The following OTUD7A variants were observed in gnomAD, a reference collection of about 807,000 sequenced individuals.
OTUD7A encodes OTU domain-containing protein 7A.
OTUD7A carries 12 observed loss-of-function variants against 65.7 expected under a neutral mutation model. The ratio of observed to expected loss-of-function variants is 0.18; its 90% CI spans 0.12 to 0.30. OTUD7A has a LOEUF of 0.30. Ranked by LOEUF, OTUD7A falls within the 10% of genes least tolerant of loss-of-function variation. OTUD7A has a pLI of 1.00. For synonymous variants in OTUD7A, 641 were observed against 586.3 expected, an observed-to-expected ratio of 1.09 and a Z score of -1.35; for missense variants, 1,148 against 1,304.8, an observed-to-expected ratio of 0.88 and a Z score of 1.85.
chr15:31,524,716 T>A (rs543181771), intron 8 of OTUD7A, among the ~76,000 whole-genome samples: 29 of 152,334 alleles, frequency 1.9e-4, no homozygotes, highest in Non-Finnish European at 3.2e-4. Context: ...GCCAGAACTA[T>A]GGCTCCCAGG....
At chr15:31,659,331 G>C (rs1242361272) in intron 1 of OTUD7A, among the ~76,000 whole-genome samples, 1 of 152,056 alleles carries the variant, frequency 6.6e-6, no homozygotes, top group East Asian at 1.9e-4. Flanking sequence ...TTTAACATCT[G>C]TCTTAACAGA....
intron 12 of OTUD7A, among the ~76,000 whole-genome samples, chr15:31,486,716 G>A (rs1053176146): frequency 5.3e-5 from 8 of 152,244 alleles, no homozygotes; most frequent in African/African-American, 1.4e-4. Context: ...AGGGGGCGCC[G>A]AGGAATCGCG....
At chr15:31,800,728 T>C (rs1896099062) in intron 1 of OTUD7A, among the ~76,000 whole-genome samples, 1 of 152,202 alleles carries the variant, frequency 6.6e-6, no homozygotes, top group South Asian at 2.1e-4. Context: ...GGGAAGGTGA[T>C]ACTGCACCTA....
chr15:31,848,162 C>T (rs1261717613), intron 1 of OTUD7A, among the ~76,000 whole-genome samples: 5 of 152,126 alleles, frequency 3.3e-5, no homozygotes, highest in Admixed American at 2.0e-4. Flanking sequence ...CTTACAGGAG[C>T]GGCCTCACTG....
chr15:31,631,987 C>A (rs538337842), intron 3 of OTUD7A, among the ~76,000 whole-genome samples: 1 of 152,244 alleles, frequency 6.6e-6, no homozygotes, highest in African/African-American at 2.4e-5. Context: ...GTTATCCATT[C>A]ATCTAGTTTT....
intron 12 of OTUD7A, among the ~76,000 whole-genome samples, chr15:31,485,120 A>T (rs953920884): frequency 6.6e-6 from 1 of 152,184 alleles, no homozygotes; most frequent in African/African-American, 2.4e-5. Context: ...TAGAACGGTC[A>T]GGTTCAGACT....
intron 1 of OTUD7A, among the ~76,000 whole-genome samples, chr15:31,800,946 C>T (rs1448232197): frequency 6.6e-6 from 1 of 151,630 alleles, no homozygotes; most frequent in African/African-American, 2.4e-5. Flanking sequence ...CAGAGGCATG[C>T]TCTCAGGGTC....
intron 5 of OTUD7A, among the ~76,000 whole-genome samples, chr15:31,555,822 C>T (rs1412317614): frequency 6.7e-6 from 1 of 149,462 alleles, no homozygotes; most frequent in East Asian, 2.0e-4. Context: ...AGCACACACA[C>T]AGTTGTCTGC....
At chr15:31,551,715 G>A (rs1888329518) in intron 5 of OTUD7A, among the ~76,000 whole-genome samples, 1 of 152,218 alleles carries the variant, frequency 6.6e-6, no homozygotes, top group South Asian at 2.1e-4. Flanking sequence ...TGCCCTAAAT[G>A]TGACACTGTA....
intron 3 of OTUD7A, among the ~76,000 whole-genome samples, chr15:31,623,713 C>T (rs1052581645): frequency 2.6e-5 from 4 of 152,220 alleles, no homozygotes; most frequent in South Asian, 2.1e-4. Flanking sequence ...TTGCACTTCC[C>T]GGGTGAGGTG....
Position 31,510,930 on chromosome 15 carries a change from T to C in OTUD7A, c.894-7112A>G, listed in dbSNP as rs201930094. Among the ~76,000 whole-genome samples, 137 of 29,926 alleles carry C rather than the reference T, an allele frequency of 4.6e-3. 32 individuals carry two copies. The highest frequency in any genetic ancestry group is 6.8e-3 in the African/African-American group (21 of 3,092). 19.6% of individuals were successfully genotyped at this position (29,926 alleles called of 152,430 possible). The stretch of plus-strand genomic sequence containing the variant: ...TATATGTATATCTATATGTAACATA[T>C]ATGTATATCTATATGTAACATATAT... On this transcript the variant is annotated intron_variant, in intron 8 of 12. Coordinates refer to ENST00000307050, the MANE Select transcript of OTUD7A (RefSeq NM_001382637.1).
rs553962458 is a variant in OTUD7A, at chr15:31,841,507, C to T, written c.-100+29000G>A. On this transcript the variant is annotated intron_variant, in intron 1 of 12. Transcript: ENST00000307050. ...CTCTACATAGTCACTTCCCTTACTA[C>T]CCACCGAGTCAGTGTATCAGGGACA... Among the ~76,000 whole-genome samples, 12 of 152,262 alleles carry T rather than the reference C, an allele frequency of 7.9e-5. No homozygotes were observed. In the South Asian group the frequency reaches 2.5e-3, roughly 32 times the overall value.
At chr15:31,505,423 A>T (rs886880317) in intron 8 of OTUD7A, among the ~76,000 whole-genome samples, 1 of 152,226 alleles carries the variant, frequency 6.6e-6, no homozygotes, top group Non-Finnish European at 1.5e-5. Context: ...TGGCTAGCAG[A>T]TATTTAAGAA....
intron 8 of OTUD7A, 42 bp from the exon 9 acceptor site, chr15:31,503,860 G>A: frequency 6.2e-7 from 1 of 1,611,756 alleles, no homozygotes; most frequent in South Asian, 1.1e-5. Context: ...GACTAAAACA[G>A]GGTGGAGGAT....
intron 3 of OTUD7A, among the ~76,000 whole-genome samples, chr15:31,587,688 G>A (rs537199624): frequency 1.3e-5 from 2 of 150,888 alleles, no homozygotes; most frequent in Admixed American, 6.6e-5. Flanking sequence ...CCTCTCCTTT[G>A]AAACCCCAGG....
At chr15:31,801,517 T>C (rs1022802588) in intron 1 of OTUD7A, among the ~76,000 whole-genome samples, 2 of 152,218 alleles carry the variant, frequency 1.3e-5, no homozygotes, top group African/African-American at 2.4e-5. Flanking sequence ...TCACCTCAGA[T>C]ACAGAGGCAT....
At chr15:31,552,601 G>C (rs189143015) in intron 5 of OTUD7A, among the ~76,000 whole-genome samples, 64 of 152,372 alleles carry the variant, frequency 4.2e-4, no homozygotes, top group African/African-American at 1.5e-3. Flanking sequence ...CGACGTCACA[G>C]AGGAGAGCCT....
rs190213079 is a variant in OTUD7A, at chr15:31,747,708, C to T, written c.-99-90631G>A. 3.3e-5 allele frequency among the ~76,000 whole-genome samples: 5 copies of T among 152,094 alleles called. No homozygotes were observed. The East Asian group carries it at 9.7e-4, about 29-fold the overall frequency. On this transcript the variant is annotated intron_variant, in intron 1 of 12. Coordinates refer to ENST00000307050, the MANE Select transcript of OTUD7A (RefSeq NM_001382637.1). ...AATGAGTGCTAAAGCTAGTAGATAA[C>T]CACTAGATAAAAGTTTAATGAGCAA...
At chr15:31,855,511 GA>G (rs992842313) in intron 1 of OTUD7A, among the ~76,000 whole-genome samples, 4 of 149,776 alleles carry the variant, frequency 2.7e-5, no homozygotes, top group South Asian at 2.1e-4. Flanking sequence ...AAAACAAATC[GA>G]AAAAAAAATC....
Sources: gnomAD v4.1 joint callset for allele counts (sites outside exome capture counted in the v4.1 genomes callset) on GRCh38, gnomAD v4.1.1 for gene constraint, MANE v1.5 for transcripts, NCBI Gene and HGNC (gene_info 2026-07-23, HGNC 2026-07-21) for gene names.